Variants in NRXN1 observed in about 807,000 individuals in gnomAD.
NRXN1 encodes neurexin-1.
NRXN1 carries 39 observed loss-of-function variants against 150.9 expected under a neutral mutation model. The ratio of observed to expected loss-of-function variants is 0.26; its 90% confidence interval spans 0.20 to 0.34. The LOEUF is 0.34. NRXN1 is among the 10% of genes least tolerant of loss of function. The pLI is 1.00. For missense variants in NRXN1, 1,815 were observed against 1,949.9 expected (o/e 0.93, Z 1.30); for synonymous variants, 924 against 757.0 (o/e 1.22, Z -3.62).
chr2:50,731,430 G>GA (rs1698094175), intron 5 of NRXN1, among the ~76,000 whole-genome samples: 1 of 152,076 alleles, frequency 6.6e-6, no homozygotes, highest in Non-Finnish European at 1.5e-5. Flanking sequence ...GAAACATCTT[G>GA]GTAAACAGAG....
At chr2:50,048,282 A>G (rs1412405789) in intron 21 of NRXN1, among the ~76,000 whole-genome samples, 1 of 152,188 alleles carries the variant, frequency 6.6e-6, no homozygotes, top group African/African-American at 2.4e-5. Flanking sequence ...AAAAATGTAC[A>G]TTAATTTAAG....
chr2:50,535,153 A>T (rs1006925825), intron 10 of NRXN1, among the ~76,000 whole-genome samples: 2 of 152,234 alleles, frequency 1.3e-5, no homozygotes, highest in African/African-American at 4.8e-5. Context: ...AGAGTTGCCA[A>T]ATAAATGGTA....
intron 16 of NRXN1, among the ~76,000 whole-genome samples, chr2:50,471,610 C>G (rs1042161917): frequency 1.3e-5 from 2 of 151,770 alleles, no homozygotes; most frequent in Admixed American, 1.3e-4. Context: ...TCTCACTATC[C>G]TTCACAAACT....
chr2:50,495,376 GTGTGGT>G (rs1221898356), intron 15 of NRXN1, among the ~76,000 whole-genome samples: 13 of 10,808 alleles, frequency 1.2e-3, no homozygotes, highest in Non-Finnish European at 2.1e-3. Flanking sequence ...GTGTGTGTGT[GTGTGGT>G]GTGTGTGTGT....
chr2:50,757,183 C>T (rs753951817), intron 5 of NRXN1, among the ~76,000 whole-genome samples: 12 of 151,646 alleles, frequency 7.9e-5, no homozygotes, highest in South Asian at 4.2e-4. Flanking sequence ...CAGAATTCCA[C>T]GGAAATTATA....
intron 5 of NRXN1, among the ~76,000 whole-genome samples, chr2:50,837,377 C>G (rs1358909671): frequency 6.6e-6 from 1 of 152,070 alleles, no homozygotes; most frequent in Non-Finnish European, 1.5e-5. Flanking sequence ...TGGTTTGGGG[C>G]AGGCATACTT....
At chr2:50,785,090 C>G (rs1281859179) in intron 5 of NRXN1, among the ~76,000 whole-genome samples, 1 of 151,942 alleles carries the variant, frequency 6.6e-6, no homozygotes, top group Non-Finnish European at 1.5e-5. Context: ...GACACTGGAG[C>G]TTTCTCTCTC....
chr2:50,314,343 A>C (rs1013573716), intron 17 of NRXN1, among the ~76,000 whole-genome samples: 3 of 152,040 alleles, frequency 2.0e-5, no homozygotes, highest in African/African-American at 7.2e-5. Context: ...TAAAAAACAA[A>C]AACAACATGA....
At chr2:49,942,596 T>C (rs1361050885) in intron 22 of NRXN1, among the ~76,000 whole-genome samples, 1 of 140,476 alleles carries the variant, frequency 7.1e-6, no homozygotes, top group Non-Finnish European at 1.5e-5. Flanking sequence ...ACAATATTAT[T>C]ATTATTATTA....
intron 5 of NRXN1, among the ~76,000 whole-genome samples, chr2:50,886,973 T>C (rs192435895): frequency 1.2e-3 from 181 of 151,566 alleles, no homozygotes; most frequent in African/African-American, 3.6e-3. Context: ...AAATTTCAAA[T>C]AATTTTTAGA....
chr2:50,826,652 G>A (rs897737533), intron 5 of NRXN1, among the ~76,000 whole-genome samples: 2 of 152,164 alleles, frequency 1.3e-5, no homozygotes, highest in African/African-American at 2.4e-5. Flanking sequence ...ACTCCTAGGT[G>A]TATTTCGCTT....
intron 17 of NRXN1, among the ~76,000 whole-genome samples, chr2:50,300,102 A>G (rs1360871269): frequency 6.6e-6 from 1 of 152,230 alleles, no homozygotes; most frequent in African/African-American, 2.4e-5. Context: ...GAGAAATAGA[A>G]AAAAGAATAT....
intron 18 of NRXN1, among the ~76,000 whole-genome samples, chr2:50,188,330 C>T (rs1183892565): frequency 6.6e-6 from 1 of 152,074 alleles, no homozygotes; most frequent in East Asian, 1.9e-4. Context: ...ATGCAGAAAA[C>T]TGAAACTGGA....
At chr2:50,293,220 G>A (rs2073152836) in intron 17 of NRXN1, among the ~76,000 whole-genome samples, 1 of 152,024 alleles carries the variant, frequency 6.6e-6, no homozygotes, top group Non-Finnish European at 1.5e-5. Flanking sequence ...CTTGACATCT[G>A]ACTGCTCGCT....
chr2:50,131,044 G>A (rs1705403967), intron 18 of NRXN1, among the ~76,000 whole-genome samples: 1 of 152,174 alleles, frequency 6.6e-6, no homozygotes, highest in African/African-American at 2.4e-5. Context: ...TTGAAACCAT[G>A]TTTAGGCATC....
At chr2:50,095,332 G>A (rs1370395891) in intron 18 of NRXN1, among the ~76,000 whole-genome samples, 2 of 152,138 alleles carry the variant, frequency 1.3e-5, no homozygotes, top group Non-Finnish European at 2.9e-5. Flanking sequence ...TTACACCTTG[G>A]GAAGTACTTT....
intron 17 of NRXN1, among the ~76,000 whole-genome samples, chr2:50,404,326 T>C (rs2082602973): frequency 6.6e-6 from 1 of 152,098 alleles, no homozygotes; most frequent in African/African-American, 2.4e-5. Context: ...TTATTTAGTG[T>C]CCTGGCTATA....
intron 8 of NRXN1, among the ~76,000 whole-genome samples, chr2:50,595,035 C>T (rs1674929625): frequency 6.7e-6 from 1 of 150,260 alleles, no homozygotes; most frequent in Admixed American, 6.6e-5. Context: ...AATAGTGAAA[C>T]ACCAGAGCGG....
intron 17 of NRXN1, among the ~76,000 whole-genome samples, chr2:50,266,890 T>G (rs188162863): frequency 1.5e-3 from 223 of 152,298 alleles, no homozygotes; most frequent in African/African-American, 5.0e-3. Flanking sequence ...TAAACAAGTA[T>G]AGAAAACATT....
Sources: allele counts gnomAD v4.1 joint callset (sites outside exome capture counted in the v4.1 genomes callset), GRCh38; gene constraint gnomAD v4.1.1; transcripts MANE v1.5; gene names NCBI Gene and HGNC (gene_info 2026-07-23, HGNC 2026-07-21).